Variants in CNTN6 observed in about 807,000 individuals in gnomAD.
CNTN6 encodes contactin-6.
In CNTN6, 137 loss-of-function variants were observed where a neutral mutation model predicts 122.8. The ratio of observed to expected loss-of-function variants is 1.12; its 90% CI spans 0.97 to 1.29. The LOEUF is 1.29. Ranked by LOEUF, CNTN6 falls within the 50% of genes most tolerant of loss-of-function variation. The pLI, the probability that CNTN6 is intolerant of heterozygous loss-of-function variation, is 0.00. For synonymous variants in CNTN6, 570 were observed against 426.0 expected (o/e 1.34, Z -4.16); for missense variants, 1,634 against 1,223.4 (o/e 1.34, Z -5.01).
intron 17 of CNTN6, among the ~76,000 whole-genome samples, chr3:1,380,832 G>T (rs1168515506): frequency 6.6e-6 from 1 of 152,168 alleles, no homozygotes; most frequent in Non-Finnish European, 1.5e-5. Flanking sequence ...GGTTCTTACA[G>T]ACACTGTGGT....
intron 4 of CNTN6, among the ~76,000 whole-genome samples, chr3:1,252,743 C>T (rs759576451): frequency 5.9e-5 from 9 of 152,228 alleles, no homozygotes; most frequent in Non-Finnish European, 1.3e-4. Flanking sequence ...GGATACCACA[C>T]TCAAGGGGAA....
chr3:1,275,193 A>G (rs1403076949), intron 4 of CNTN6, among the ~76,000 whole-genome samples: 1 of 151,950 alleles, frequency 6.6e-6, no homozygotes, highest in Non-Finnish European at 1.5e-5. Context: ...TCCTTACTTG[A>G]TCATTGATTT....
intron 4 of CNTN6, among the ~76,000 whole-genome samples, chr3:1,263,804 A>C (rs2094884999): frequency 6.6e-6 from 1 of 152,018 alleles, no homozygotes; most frequent in Non-Finnish European, 1.5e-5. Flanking sequence ...GTAAATCAAT[A>C]ATCATTGCTG....
chr3:1,182,585 C>CATTCT (rs3841920), intron 2 of CNTN6, among the ~76,000 whole-genome samples: 76,629 of 150,766 alleles, frequency 0.51, 19,902 homozygotes, highest in East Asian at 0.75. Flanking sequence ...CATTTGCCCA[C>CATTCT]ATTCTCCTTT....
rs184430585 is a variant in CNTN6, at chr3:1,130,504, C to T, written c.-82-17423C>T. Among the ~76,000 whole-genome samples, 15 of 152,214 alleles carry T rather than the reference C, an allele frequency of 9.9e-5. No individual in the cohort carries two copies. In the East Asian group the frequency reaches 2.9e-3, roughly 29 times the overall value. On this transcript the variant is annotated intron_variant, in intron 1 of 22. Coordinates refer to ENST00000446702, the MANE Select transcript of CNTN6 (RefSeq NM_001289080.2). ...AAATAAATACCCATCTTTCTAGCCC[C>T]GTTGTTGAGTTCCTGAGCATTGTTC...
intron 12 of CNTN6, among the ~76,000 whole-genome samples, chr3:1,368,753 TTTTGTAA>T (rs1286246719): frequency 2.0e-5 from 3 of 152,186 alleles, no homozygotes. Flanking sequence ...AAATCATGTA[TTTTGTAA>T]TTTGTAAGTG....
chr3:1,288,832 C>T (rs3901789), intron 5 of CNTN6, among the ~76,000 whole-genome samples: 19,827 of 152,144 alleles, frequency 0.13, 2,558 homozygotes, highest in African/African-American at 0.33. Flanking sequence ...AACATAATCA[C>T]ACTCTGGGGA....
chr3:1,280,164 T>C (rs1218930834), intron 5 of CNTN6, among the ~76,000 whole-genome samples: 1 of 152,168 alleles, frequency 6.6e-6, no homozygotes, highest in East Asian at 1.9e-4. Flanking sequence ...TCAACTTTGT[T>C]TAATCGGGAA....
chr3:1,305,651 A>G (rs1698234439), intron 7 of CNTN6, among the ~76,000 whole-genome samples: 1 of 151,748 alleles, frequency 6.6e-6, no homozygotes, highest in Non-Finnish European at 1.5e-5. Context: ...TTTATAAACA[A>G]CCAAACATAT....
chr3:1,247,757 A>G (rs2094602828), intron 4 of CNTN6, among the ~76,000 whole-genome samples: 1 of 152,180 alleles, frequency 6.6e-6, no homozygotes. Context: ...CAGACATGCA[A>G]TGCTGGCTTT....
chr3:1,401,144 T>C (rs1695644856), intron 20 of CNTN6: 2 of 310,062 alleles, frequency 6.5e-6, no homozygotes, highest in Non-Finnish European at 1.2e-5. Context: ...TGTCTGTTTA[T>C]ATATGATAAA....
chr3:1,392,168 A>G (rs1413538134), intron 20 of CNTN6, among the ~76,000 whole-genome samples: 4 of 152,366 alleles, frequency 2.6e-5, no homozygotes, highest in South Asian at 4.1e-4. Context: ...CTACAAGGCT[A>G]CAGTAACCAA....
At chr3:1,197,185 C>T (rs995181475) in intron 2 of CNTN6, among the ~76,000 whole-genome samples, 10 of 152,202 alleles carry the variant, frequency 6.6e-5, no homozygotes, top group Admixed American at 1.3e-4. Context: ...ATTGCAGTGC[C>T]ATTGTTCATT....
intron 2 of CNTN6, among the ~76,000 whole-genome samples, chr3:1,188,585 T>C (rs768005643): frequency 1.4e-4 from 22 of 152,212 alleles, no homozygotes; most frequent in South Asian, 4.1e-4. Flanking sequence ...AGTTTATCAA[T>C]TGAGGTTTTT....
At chr3:1,153,688 C>T (rs977950734) in intron 2 of CNTN6, among the ~76,000 whole-genome samples, 24 of 152,196 alleles carry the variant, frequency 1.6e-4, no homozygotes, top group African/African-American at 5.3e-4. Context: ...TTGAATTTCA[C>T]TCTATTTCAA....
Position 1,374,034 on chromosome 3 carries a change from C to A in CNTN6, c.2056C>A (p.Pro686Thr). ...VAGNSIGIGE[P>T]SEPSELLRTK... is the part of the protein sequence containing the mutation. Reference sequence around the variant, plus strand: ...CGGCAACAGCATTGGGATTGGAGAACCAAGTGAACCATCAGAATTGTTAAG... The same window carrying A: ...CGGCAACAGCATTGGGATTGGAGAAACAAGTGAACCATCAGAATTGTTAAG... The change falls in exon 16 of 23, where the codon CCA (proline) becomes ACA (threonine). Residue 686 changes from proline (P) to threonine (T), a missense_variant. By Grantham distance (38) the Pro-to-Thr change is conservative (BLOSUM62 -1). Coordinates refer to ENST00000446702, the MANE Select transcript of CNTN6 (RefSeq NM_001289080.2). 6.2e-7 allele frequency: 1 copy of A among 1,612,780 alleles called. No homozygotes were observed. Among genetic ancestry groups the A allele is most frequent in the Non-Finnish European group, 8.5e-7 (1 of 1,179,156 alleles).
chr3:1,372,999 G>T, intron 14 of CNTN6, 44 bp downstream of exon 14: 1 of 1,115,592 alleles, frequency 9.0e-7, no homozygotes, highest in Non-Finnish European at 1.3e-6. Context: ...TTTCTTCACA[G>T]TTACAGTGTT....
chr3:1,135,325 A>T (rs754498625), intron 1 of CNTN6, among the ~76,000 whole-genome samples: 2 of 152,178 alleles, frequency 1.3e-5, no homozygotes, highest in Non-Finnish European at 1.5e-5. Flanking sequence ...CTGTGAGGTC[A>T]AGATTGACAA....
chr3:1,111,232 A>G lies in CNTN6; in HGVS notation c.-83+18112A>G, dbSNP rs113854337. Among the ~76,000 whole-genome samples, 573 of 152,266 alleles carry G rather than the reference A, an allele frequency of 3.8e-3. 4 individuals are homozygous for G. Among genetic ancestry groups the G allele is most frequent in the African/African-American group, 0.013 (548 of 41,560 alleles). On this transcript the variant is annotated intron_variant, in intron 1 of 22. Transcript: ENST00000446702. The stretch of plus-strand genomic sequence containing the variant: ...AGTAGTCCCCTGGGGCCATATAGTG[A>G]ACCCCAGTGCTATTTAGCTCATTTC...
Sources: gnomAD v4.1 joint callset for allele counts (sites outside exome capture counted in the v4.1 genomes callset) on GRCh38, gnomAD v4.1.1 for gene constraint, MANE v1.5 for transcripts, NCBI Gene and HGNC (gene_info 2026-07-23, HGNC 2026-07-21) for gene names.